The following PCDH11X variants were observed in gnomAD, a reference collection of about 807,000 sequenced individuals.
PCDH11X encodes the protein protocadherin 11 X-linked.
PCDH11X carries 18 observed loss-of-function variants against 53.3 expected under a neutral mutation model. The ratio of observed to expected loss-of-function variants is 0.34; its 90% confidence interval spans 0.23 to 0.50. PCDH11X has a LOEUF of 0.50. Ranked by LOEUF, PCDH11X falls within the 20% of genes least tolerant of loss-of-function variation. The probability of loss-of-function intolerance (pLI) is 0.98; values close to 1 mark genes in which losing one functional copy is unlikely to be tolerated. For missense variants in PCDH11X, 570 were observed against 1,032.4 expected (o/e 0.55, Z 6.14); for synonymous variants, 279 against 393.3 (o/e 0.71, Z 3.44).
intron 10 of PCDH11X, among the ~76,000 whole-genome samples, chrX:92,552,095 G>C (rs1359857248): frequency 1.0e-5 from 1 of 100,005 alleles, no homozygotes; most frequent in African/African-American, 3.6e-5. Flanking sequence ...AATGCCACCA[G>C]TATTTTGATA....
At chrX:92,273,445 T>C (rs1302688519) in intron 8 of PCDH11X, among the ~76,000 whole-genome samples, 11 of 111,677 alleles carry the variant, frequency 9.8e-5, no homozygotes, top group Non-Finnish European at 3.8e-5. Flanking sequence ...TTCAGTTACT[T>C]CAGGCCTTCT....
chrX:92,043,438 T>C (rs1191676529), intron 6 of PCDH11X, among the ~76,000 whole-genome samples: 2 of 100,454 alleles, frequency 2.0e-5, no homozygotes, highest in Non-Finnish European at 3.9e-5. Flanking sequence ...TCATAATTTC[T>C]AAAATACACC....
chrX:92,205,597 GTTTTTTTTTTTT>G (rs5902997), intron 7 of PCDH11X, among the ~76,000 whole-genome samples: 4 of 68,442 alleles, frequency 5.8e-5, no homozygotes, highest in Non-Finnish European at 1.1e-4. Flanking sequence ...CTAAATCAAT[GTTTTTTTTTTTT>G]TTTTTTTTGA....
chrX:92,364,967 C>A (rs1242337516), intron 8 of PCDH11X, among the ~76,000 whole-genome samples: 3 of 82,225 alleles, frequency 3.6e-5, no homozygotes, highest in Non-Finnish European at 7.3e-5. Context: ...ATGCTTTGGG[C>A]TTTTTCTATT....
chrX:91,847,644 CTG>C (rs1383481628), intron 5 of PCDH11X, among the ~76,000 whole-genome samples: 1 of 111,548 alleles, frequency 9.0e-6, no homozygotes, highest in Non-Finnish European at 1.9e-5. Flanking sequence ...GAACTTCACT[CTG>C]TTTTAATTTA....
chrX:92,109,006 C>T (rs1461611048), intron 6 of PCDH11X, among the ~76,000 whole-genome samples: 4 of 111,535 alleles, frequency 3.6e-5, no homozygotes, highest in Admixed American at 9.6e-5. Flanking sequence ...CACTCAGAGC[C>T]GGCTGTGTGG....
chrX:92,297,092 T>G (rs2068624468), intron 8 of PCDH11X, among the ~76,000 whole-genome samples: 1 of 97,185 alleles, frequency 1.0e-5, no homozygotes, highest in African/African-American at 3.8e-5. Context: ...TCCCATTCTG[T>G]AGGTGGCCTG....
At chrX:92,543,537 A>G (rs2074792084) in intron 10 of PCDH11X, among the ~76,000 whole-genome samples, 1 of 107,552 alleles carries the variant, frequency 9.3e-6, no homozygotes, top group Non-Finnish European at 1.9e-5. Flanking sequence ...CACTCTAAAT[A>G]GACTAGAAGC....
At chrX:91,793,089 A>C (rs1254730805) in intron 1 of PCDH11X, among the ~76,000 whole-genome samples, 1 of 105,093 alleles carries the variant, frequency 9.5e-6, no homozygotes, top group East Asian at 3.0e-4. Flanking sequence ...AATTGCTTTC[A>C]TTGCATTTTA....
At chrX:91,951,836 G>A (rs1257343454) in intron 6 of PCDH11X, among the ~76,000 whole-genome samples, 6 of 111,536 alleles carry the variant, frequency 5.4e-5, no homozygotes, top group African/African-American at 1.3e-4. Flanking sequence ...AGAATCACCC[G>A]TTAGCACTGG....
chrX:91,856,556 C>G (rs1211687985), intron 5 of PCDH11X, among the ~76,000 whole-genome samples: 7 of 109,538 alleles, frequency 6.4e-5, no homozygotes, highest in Non-Finnish European at 1.3e-4. Flanking sequence ...ACCTATCAAC[C>G]CATCATGTAG....
chrX:91,940,058 A>G (rs1244793115), intron 6 of PCDH11X, among the ~76,000 whole-genome samples: 1 of 110,433 alleles, frequency 9.1e-6, no homozygotes, highest in Non-Finnish European at 1.9e-5. Flanking sequence ...GGATTATGGG[A>G]GTGGATTTCT....
At chrX:92,470,002 A>G (rs2148663291) in intron 10 of PCDH11X, among the ~76,000 whole-genome samples, 1 of 108,623 alleles carries the variant, frequency 9.2e-6, no homozygotes, top group South Asian at 4.0e-4. Flanking sequence ...GGGAGTATGA[A>G]TATCTTAACA....
chrX:92,073,975 A>G (rs755596790), intron 6 of PCDH11X, among the ~76,000 whole-genome samples: 3 of 112,160 alleles, frequency 2.7e-5, no homozygotes, highest in Non-Finnish European at 3.8e-5. Flanking sequence ...ATGATAGAAT[A>G]CAATTTGATG....
At chrX:92,192,737 GGTT>G (rs1014526403) in intron 6 of PCDH11X, among the ~76,000 whole-genome samples, 16 of 109,408 alleles carry the variant, frequency 1.5e-4, no homozygotes, top group Admixed American at 1.1e-3. Flanking sequence ...CTTTTGTGGT[GGTT>G]GTTGTTGTTT....
At chrX:92,111,217 G>T (rs1238186235) in intron 6 of PCDH11X, among the ~76,000 whole-genome samples, 1 of 26,763 alleles carries the variant, frequency 3.7e-5, no homozygotes, top group Non-Finnish European at 4.9e-5. Context: ...ATCACCTAAC[G>T]CTAAAAAAAA....
At chrX:92,511,392 A>G (rs941496497) in intron 10 of PCDH11X, among the ~76,000 whole-genome samples, 1 of 111,579 alleles carries the variant, frequency 9.0e-6, no homozygotes, top group African/African-American at 3.3e-5. Flanking sequence ...GCCAATGTTA[A>G]TGTGACTGAA....
intron 6 of PCDH11X, among the ~76,000 whole-genome samples, chrX:92,079,451 A>G (rs1263060709): frequency 4.5e-5 from 5 of 110,832 alleles, no homozygotes; most frequent in African/African-American, 9.8e-5. Flanking sequence ...AAACAGTGCA[A>G]TGTAGTGCAA....
chrX:92,565,705 G>T (rs1431066453), intron 10 of PCDH11X, among the ~76,000 whole-genome samples: 1 of 107,777 alleles, frequency 9.3e-6, no homozygotes, highest in Admixed American at 1.0e-4. Flanking sequence ...TAGAAAAAAC[G>T]AATAAGACCT....
Sources: allele counts gnomAD v4.1 joint callset (sites outside exome capture counted in the v4.1 genomes callset), GRCh38; gene constraint gnomAD v4.1.1; transcripts MANE v1.5; gene names NCBI Gene and HGNC (gene_info 2026-07-23, HGNC 2026-07-21).